Variants in AGPAT3 observed in about 807,000 individuals in gnomAD.
AGPAT3 encodes the protein 1-acyl-sn-glycerol-3-phosphate acyltransferase gamma.
A neutral mutation model predicts 47.3 loss-of-function variants in AGPAT3; 5 were observed. The observed-to-expected ratio is 0.11, with a 90% CI of 0.06 to 0.22. The LOEUF is 0.22. AGPAT3 is among the 10% of genes least tolerant of loss of function. The probability of loss-of-function intolerance (pLI) is 1.00; values close to 1 mark genes in which losing one functional copy is unlikely to be tolerated. For synonymous variants in AGPAT3, 212 were observed against 208.3 expected (o/e 1.02, Z -0.15); for missense variants, 315 against 493.0 (o/e 0.64, Z 3.42).
Position 43,987,158 on chromosome 21 carries a change from T to C in AGPAT3, c.*4766T>C, listed in dbSNP as rs544500527. On this transcript the variant is annotated 3_prime_UTR_variant, in exon 10 of 10. Coordinates refer to ENST00000291572, the MANE Select transcript of AGPAT3 (RefSeq NM_020132.5). ...GAAAGCGACTCCGTGCCTCCTTCTG[T>C]TTCTTCGTTTCCAGTCTGCATAGAT... 6.6e-6 allele frequency among the ~76,000 whole-genome samples: 1 copy of C among 152,332 alleles called. No individual in the cohort carries two copies. The highest frequency in any genetic ancestry group is 2.1e-4 in the South Asian group (1 of 4,828).
chr21:43,930,763 CT>C lies in AGPAT3; in HGVS notation c.-49+26745del, dbSNP rs1257718115. 6.6e-6 allele frequency among the ~76,000 whole-genome samples: 1 copy of C among 152,128 alleles called. No individual in the cohort carries two copies. Among genetic ancestry groups the C allele is most frequent in the Non-Finnish European group, 1.5e-5 (1 of 67,996 alleles). On this transcript the variant is annotated intron_variant, in intron 2 of 9. Coordinates refer to ENST00000291572, the MANE Select transcript of AGPAT3 (RefSeq NM_020132.5). This position sits in a 1 kb window ranked among gnomAD's most constrained non-coding sequence, Gnocchi z 5.0. Reference sequence around the variant, plus strand: ...GCTGCTGTAGGGCCAGTGTCCCCTCCTGGGGTGGCAGGAGGTGGCTCCTCAC... The same window carrying C: ...GCTGCTGTAGGGCCAGTGTCCCCTCCGGGGTGGCAGGAGGTGGCTCCTCAC...
chr21:43,869,253 G>A (rs1382752195), intron 1 of AGPAT3, among the ~76,000 whole-genome samples: 1 of 152,208 alleles, frequency 6.6e-6, no homozygotes, highest in African/African-American at 2.4e-5. Context: ...GACTCCTCAT[G>A]TGAAGAATGT....
chr21:43,899,624 C>T (rs1057189294), intron 1 of AGPAT3, among the ~76,000 whole-genome samples: 6 of 152,328 alleles, frequency 3.9e-5, no homozygotes, highest in East Asian at 1.9e-4. Context: ...CGGTGAGCAG[C>T]GGCAGCGCTG....
chr21:43,937,476 C>T (rs534292880), intron 2 of AGPAT3, among the ~76,000 whole-genome samples: 1 of 152,352 alleles, frequency 6.6e-6, no homozygotes, highest in South Asian at 2.1e-4. Context: ...AGGCCTGTCT[C>T]CTTGAGGTGA....
chr21:43,987,154 T>C lies in AGPAT3; in HGVS notation c.*4762T>C, dbSNP rs113136073. Among the ~76,000 whole-genome samples, 3,142 of 152,336 alleles carry C rather than the reference T, an allele frequency of 0.021. 65 individuals are homozygous for C. Among genetic ancestry groups the C allele is most frequent in the Non-Finnish European group, 0.026 (1,744 of 68,032 alleles). ...AAGAGAAAGCGACTCCGTGCCTCCT[T>C]CTGTTTCTTCGTTTCCAGTCTGCAT... On this transcript the variant is annotated 3_prime_UTR_variant, in exon 10 of 10. Coordinates refer to ENST00000291572, the MANE Select transcript of AGPAT3 (RefSeq NM_020132.5).
intron 1 of AGPAT3, among the ~76,000 whole-genome samples, chr21:43,886,668 C>T (rs1033619788): frequency 6.6e-6 from 1 of 152,200 alleles, no homozygotes; most frequent in Non-Finnish European, 1.5e-5. Flanking sequence ...TTGATTTTTA[C>T]ATCCCACAAA....
chr21:43,883,743 A>G (rs1449742514), intron 1 of AGPAT3, among the ~76,000 whole-genome samples: 2 of 152,140 alleles, frequency 1.3e-5, no homozygotes, highest in South Asian at 2.1e-4. Context: ...ACAGGTGCCC[A>G]CTGCCACACC....
At position 43,987,006 on chromosome 21, in the gene AGPAT3, G is replaced by A. The variant is rs896277102; in HGVS notation, c.*4614G>A. ...CGTTTGCCGTGCTGTGCGAGGACCTGTGTACACAGGCAGGTGTGCGCCTGC... is the reference window on the plus strand; with the variant it reads ...CGTTTGCCGTGCTGTGCGAGGACCTATGTACACAGGCAGGTGTGCGCCTGC... On this transcript the variant is annotated 3_prime_UTR_variant, in exon 10 of 10. Transcript: ENST00000291572. 2.0e-5 allele frequency among the ~76,000 whole-genome samples: 3 copies of A among 152,230 alleles called. No individual in the cohort carries two copies. The highest frequency in any genetic ancestry group is 7.2e-5 in the African/African-American group (3 of 41,454).
rs1044661278 is a variant in AGPAT3 at position 43,930,822 on chromosome 21, G to A, written c.-49+26803G>A. ...GGGGTGGCCCACGGCAGGCCAGTGTGCGGTCCTCAAGCTGCTGGTGACAAA... is the reference window on the plus strand; with the variant it reads ...GGGGTGGCCCACGGCAGGCCAGTGTACGGTCCTCAAGCTGCTGGTGACAAA... On this transcript the variant is annotated intron_variant, in intron 2 of 9. Coordinates refer to ENST00000291572, the MANE Select transcript of AGPAT3 (RefSeq NM_020132.5). This position sits in a 1 kb window ranked among gnomAD's most constrained non-coding sequence, Gnocchi z 5.0. Among the ~76,000 whole-genome samples the A allele has an allele frequency of 1.3e-5, 2 of 152,180 alleles. No homozygotes were observed. The highest frequency in any genetic ancestry group is 4.8e-5 in the African/African-American group (2 of 41,442).
chr21:43,982,545 C>T lies in AGPAT3; in HGVS notation c.*153C>T, dbSNP rs2089890853. The T allele has an allele frequency of 1.8e-6, 1 of 570,824 alleles. No homozygotes were observed. The highest frequency in any genetic ancestry group is 1.9e-5 in the African/African-American group (1 of 52,572). 35.4% of individuals were successfully genotyped at this position (570,824 alleles called of 1,614,324 possible). A position where few individuals can be genotyped will look rare whatever the true frequency, so the allele number is the denominator to read the frequency against. ...AAACTTGAGCCAAGAGTAAAGAATT[C>T]AGAAGGCCTGTCAGGTGAAGTCTTC... On this transcript the variant is annotated 3_prime_UTR_variant, in exon 10 of 10. Coordinates refer to ENST00000291572, the MANE Select transcript of AGPAT3 (RefSeq NM_020132.5). The surrounding 1 kb of genome is among the most constrained non-coding windows in gnomAD (Gnocchi z 6.2).
chr21:43,909,300 T>C (rs1028568786), intron 2 of AGPAT3, among the ~76,000 whole-genome samples: 4 of 149,914 alleles, frequency 2.7e-5, no homozygotes, highest in Non-Finnish European at 6.0e-5. Flanking sequence ...ACATTTTTTT[T>C]TTTTTTTTTT....
At chr21:43,941,712 G>T (rs1240869084) in intron 2 of AGPAT3, among the ~76,000 whole-genome samples, 1 of 152,242 alleles carries the variant, frequency 6.6e-6, no homozygotes, top group Non-Finnish European at 1.5e-5. Flanking sequence ...GTGTGACGGG[G>T]GCCATGTATA....
intron 2 of AGPAT3, among the ~76,000 whole-genome samples, chr21:43,931,922 CGTGTGTGTGT>C (rs55978822): frequency 0.014 from 1,988 of 145,748 alleles, 56 homozygotes; most frequent in African/African-American, 0.048. Flanking sequence ...AAGAGGATCT[CGTGTGTGTGT>C]GTGTGTGTGT....
At chr21:43,938,316 CTTTTTTTTTTTTTT>C (rs57776186) in intron 2 of AGPAT3, among the ~76,000 whole-genome samples, 1 of 70,516 alleles carries the variant, frequency 1.4e-5, no homozygotes, top group East Asian at 3.9e-4. Context: ...ATCTGCAAAT[CTTTTTTTTTTTTTT>C]TTTTTTTTTT....
At chr21:43,942,263 G>A (rs1569078107) in intron 2 of AGPAT3, among the ~76,000 whole-genome samples, 1 of 152,194 alleles carries the variant, frequency 6.6e-6, no homozygotes. Context: ...GACGTTGAGC[G>A]TCACGGTGGG....
chr21:43,930,055 G>T lies in AGPAT3; in HGVS notation c.-49+26036G>T. ...CTGGAACCCAGGGTGCCTTGTCCTGGCACTTCTGTGTACATCATCCAGCCC... is the reference window on the plus strand; with the variant it reads ...CTGGAACCCAGGGTGCCTTGTCCTGTCACTTCTGTGTACATCATCCAGCCC... On this transcript the variant is annotated intron_variant, in intron 2 of 9. Transcript: ENST00000291572. The surrounding 1 kb of genome is among the most constrained non-coding windows in gnomAD (Gnocchi z 5.0). Among the ~76,000 whole-genome samples the T allele has an allele frequency of 6.6e-6, 1 of 152,200 alleles. No homozygotes were observed.
At chr21:43,885,744 G>A (rs2085960351) in intron 1 of AGPAT3, among the ~76,000 whole-genome samples, 1 of 152,216 alleles carries the variant, frequency 6.6e-6, no homozygotes, top group East Asian at 1.9e-4. Context: ...ATGACTCTGT[G>A]GCCCCAGGCC....
chr21:43,902,702 C>T (rs73226931), intron 1 of AGPAT3, among the ~76,000 whole-genome samples: 45,736 of 152,120 alleles, frequency 0.3, 7,877 homozygotes, highest in Non-Finnish European at 0.39. Flanking sequence ...GGGAGGATTT[C>T]GACGTATGAA....
intron 7 of AGPAT3, among the ~76,000 whole-genome samples, chr21:43,972,537 T>C (rs997114520): frequency 1.3e-5 from 2 of 152,052 alleles, no homozygotes; most frequent in East Asian, 1.9e-4. Flanking sequence ...GGGAGTGGCG[T>C]GTCTAGACCC....
Sources: allele counts gnomAD v4.1 joint callset (sites outside exome capture counted in the v4.1 genomes callset), GRCh38; gene constraint gnomAD v4.1.1; non-coding constraint Gnocchi (gnomAD v3.1); transcripts MANE v1.5; gene names NCBI Gene and HGNC (gene_info 2026-07-23, HGNC 2026-07-21).